HAVCR1: variants seen among roughly 807,000 people sequenced by gnomAD.
HAVCR1 encodes T cell immunoglobin domain and mucin domain protein 1.
In HAVCR1, 34 loss-of-function variants were observed where a neutral mutation model predicts 32.0. The ratio of observed to expected loss-of-function variants is 1.06; its 90% CI spans 0.81 to 1.42. The LOEUF is 1.42. HAVCR1 is among the 40% of genes most tolerant of loss of function. HAVCR1 has a pLI of 0.00. For missense variants in HAVCR1, 420 were observed against 442.3 expected (o/e 0.95, Z 0.45); for synonymous variants, 178 against 170.3 (o/e 1.05, Z -0.35).
At position 157,029,851 on chromosome 5, in the gene HAVCR1, G is replaced by C. The variant is rs7716614; in HGVS notation, c.987-10C>G. 3 of 1,608,588 alleles carry C rather than the reference G, an allele frequency of 1.9e-6. No individual in the cohort carries two copies. In the African/African-American group the frequency reaches 4.0e-5, roughly 22 times the overall value. On this transcript the variant is annotated splice_polypyrimidine_tract_variant and intron_variant, in intron 8 of 8. Coordinates refer to ENST00000523175, the MANE Select transcript of HAVCR1 (RefSeq NM_001173393.3). ...GCTGCTAAATGAAACACTGTAGAAA[G>C]AGTTGTTGAAGAATAACATGAGTAA...
intron 4 of HAVCR1, among the ~76,000 whole-genome samples, chr5:157,050,560 T>C (rs1755679143): frequency 6.6e-6 from 1 of 152,190 alleles, no homozygotes; most frequent in Non-Finnish European, 1.5e-5. Flanking sequence ...CCTCAAGTGA[T>C]ACCATCCTCC....
intron 6 of HAVCR1, among the ~76,000 whole-genome samples, chr5:157,038,023 G>A (rs10213980): frequency 3.5e-5 from 5 of 142,458 alleles, no homozygotes; most frequent in Admixed American, 7.4e-5. Flanking sequence ...AAGAAAAAAA[G>A]AAAAAAAAAT....
At chr5:157,064,745 G>A in the HAVCR1 span, among the ~76,000 whole-genome samples, 1 of 152,174 alleles carries the variant, frequency 6.6e-6, no homozygotes, top group African/African-American at 2.4e-5. Context: ...GTGGGTGCCT[G>A]TAATCTGAGC....
upstream of HAVCR1, among the ~76,000 whole-genome samples, chr5:157,059,294 C>T (rs1236289323): frequency 1.3e-5 from 2 of 152,184 alleles, no homozygotes; most frequent in African/African-American, 2.4e-5. Context: ...TCCAAGGAGG[C>T]AGTGGTGGTC....
intron 5 of HAVCR1, among the ~76,000 whole-genome samples, chr5:157,048,070 A>G (rs1755513206): frequency 6.6e-6 from 1 of 152,082 alleles, no homozygotes; most frequent in South Asian, 2.1e-4. Flanking sequence ...GAGACAGAAA[A>G]CCCAGTTTGG....
intron 8 of HAVCR1, among the ~76,000 whole-genome samples, chr5:157,030,429 G>A (rs1001162862): frequency 7.9e-5 from 12 of 152,316 alleles, no homozygotes; most frequent in African/African-American, 2.2e-4. Flanking sequence ...ATTTTGGGAG[G>A]CCATGGCAGG....
chr5:157,038,257 T>C (rs1754657329), intron 6 of HAVCR1, among the ~76,000 whole-genome samples: 1 of 152,188 alleles, frequency 6.6e-6, no homozygotes, highest in Non-Finnish European at 1.5e-5. Context: ...TTCTGGTGCC[T>C]ATCACAAGAG....
At chr5:157,042,292 A>C (rs1034297898) in intron 6 of HAVCR1, among the ~76,000 whole-genome samples, 1 of 151,262 alleles carries the variant, frequency 6.6e-6, no homozygotes, top group Non-Finnish European at 1.5e-5. Context: ...AATACAAAAA[A>C]TTAGCCGGGC....
At chr5:157,033,459 A>G (rs927730476) in intron 7 of HAVCR1, among the ~76,000 whole-genome samples, 1 of 151,970 alleles carries the variant, frequency 6.6e-6, no homozygotes, top group East Asian at 1.9e-4. Context: ...CATATTTAGG[A>G]AAGGGCTTTC....
At chr5:157,062,071 C>T (rs1756501373), upstream of HAVCR1, among the ~76,000 whole-genome samples, 1 of 152,154 alleles carries the variant, frequency 6.6e-6, no homozygotes, top group Non-Finnish European at 1.5e-5. Context: ...TTAGGGCAAA[C>T]TTCATGACCC....
At chr5:157,049,231 G>T in intron 4 of HAVCR1, 86 bp from the exon 5 acceptor site, 1 of 882,560 alleles carries the variant, frequency 1.1e-6, no homozygotes, top group East Asian at 2.4e-5. Flanking sequence ...CTAGAATCAG[G>T]AATTACCATC....
intron 7 of HAVCR1, among the ~76,000 whole-genome samples, chr5:157,033,740 A>G (rs1754319020): frequency 1.3e-5 from 2 of 152,222 alleles, no homozygotes; most frequent in East Asian, 3.9e-4. Context: ...AAAATTGTCT[A>G]CATCCATCAC....
chr5:157,044,605 AAGAAAGAAAG>A (rs1395572768), intron 5 of HAVCR1, among the ~76,000 whole-genome samples: 18 of 84,274 alleles, frequency 2.1e-4, no homozygotes, highest in Non-Finnish European at 3.0e-4. Context: ...GAAAGAAAGA[AAGAAAGAAAG>A]AGAAAGAAAG....
chr5:157,057,867 T>A, intron 2 of HAVCR1, 31 bp downstream of exon 2: 4 of 1,553,686 alleles, frequency 2.6e-6, no homozygotes, highest in Non-Finnish European at 1.8e-6. Context: ...CTCTACTCCC[T>A]TCTTCCCGCC....
At chr5:157,046,850 T>C (rs1192755162) in intron 5 of HAVCR1, among the ~76,000 whole-genome samples, 1 of 152,178 alleles carries the variant, frequency 6.6e-6, no homozygotes, top group Non-Finnish European at 1.5e-5. Flanking sequence ...AGAGCATTGA[T>C]TCCATTCATG....
intron 2 of HAVCR1, among the ~76,000 whole-genome samples, chr5:157,056,369 CT>C (rs1756143074): frequency 7.1e-6 from 1 of 141,716 alleles, no homozygotes; most frequent in Admixed American, 7.6e-5. Flanking sequence ...CAAAGTCTTT[CT>C]AAAAAGAATT....
At chr5:157,052,741 G>T in intron 3 of HAVCR1, 87 bp from the exon 4 acceptor site, 1 of 1,094,316 alleles carries the variant, frequency 9.1e-7, no homozygotes, top group South Asian at 1.4e-5. Flanking sequence ...GCACACCAAT[G>T]ACAGACTGTC....
chr5:157,038,006 C>CAGAAA (rs10658898), intron 6 of HAVCR1, among the ~76,000 whole-genome samples: 1 of 151,008 alleles, frequency 6.6e-6, no homozygotes, highest in African/African-American at 2.4e-5. Context: ...GACTCCATCT[C>CAGAAA]GAAAAAAAGA....
rs1756319219 is a variant in HAVCR1, at chr5:157,057,933, T to C, written c.11A>G (p.Gln4Arg). 1.9e-6 allele frequency: 3 copies of C among 1,613,578 alleles called. No homozygotes were observed. The highest frequency in any genetic ancestry group is 1.6e-4 in the Middle Eastern group (1 of 6,062). The change falls in exon 2 of 9, where the codon CAA becomes CGA. Residue 4 changes from glutamine to arginine, a missense_variant. Gln to Arg is a conservative substitution (Grantham distance 43, BLOSUM62 1). Coordinates refer to ENST00000523175, the MANE Select transcript of HAVCR1 (RefSeq NM_001173393.3). Reference sequence around the variant, plus strand: ...TAGGATGAGGCTTAAGATGACCACTTGAGGATGCATTATGGGATCAGCCTG... The same window carrying C: ...TAGGATGAGGCTTAAGATGACCACTCGAGGATGCATTATGGGATCAGCCTG... The part of the protein sequence containing the change: MHP[Q>R]VVILSLILHL...
Sources: allele counts gnomAD v4.1 joint callset (sites outside exome capture counted in the v4.1 genomes callset), GRCh38; gene constraint gnomAD v4.1.1; transcripts MANE v1.5; gene names NCBI Gene and HGNC (gene_info 2026-07-23, HGNC 2026-07-21).